The following HECW2 variants were observed in gnomAD, a reference collection of about 807,000 sequenced individuals.
The protein encoded by HECW2 is HECT, C2 and WW domain containing E3 ubiquitin protein ligase 2.
Under a neutral mutation model 175.2 loss-of-function variants are expected in HECW2, and 61 were observed. The observed-to-expected ratio is 0.35, with a 90% CI of 0.28 to 0.43. The LOEUF (loss-of-function observed/expected upper bound fraction) is 0.43. Among genes scored for constraint, HECW2 ranks in the 20% least tolerant of loss-of-function variants. The pLI is 1.00. For missense variants in HECW2, 1,524 were observed against 2,000.5 expected (o/e 0.76, Z 4.54); for synonymous variants, 671 against 731.0 (o/e 0.92, Z 1.32).
intron 1 of HECW2, among the ~76,000 whole-genome samples, chr2:196,559,072 A>C (rs1689907492): frequency 6.6e-6 from 1 of 152,204 alleles, no homozygotes; most frequent in Non-Finnish European, 1.5e-5. Context: ...ATCAGAGACT[A>C]AATAACTGCT....
Position 196,318,687 on chromosome 2 carries a change from C to G in HECW2, c.2203G>C (p.Glu735Gln). ...AGGCTCCCCCTCCGCTGCCAGACCTCCCCCAGCTCCTCCTGGTCAGGTACA... is the reference window on the plus strand; with the variant it reads ...AGGCTCCCCCTCCGCTGCCAGACCTGCCCCAGCTCCTCCTGGTCAGGTACA... The part of the protein sequence containing the change: ...ATVPDQEELG[E>Q]VWQRRGSLEG... The change falls in exon 9 of 29, where the codon GAG becomes CAG. Residue 735 changes from glutamate (E) to glutamine (Q), a missense_variant. Glu to Gln is a conservative substitution (Grantham distance 29). This residue lies in a region of HECW2 where 604 missense variants were observed against 588.3 expected (regional missense o/e 1.03). Transcript: ENST00000644978. 6.3e-7 allele frequency: 1 copy of G among 1,592,920 alleles called. No individual in the cohort carries two copies. Among genetic ancestry groups the G allele is most frequent in the Non-Finnish European group, 8.5e-7 (1 of 1,169,776 alleles).
chr2:196,412,096 G>A (rs1372830474), intron 2 of HECW2, among the ~76,000 whole-genome samples: 2 of 152,186 alleles, frequency 1.3e-5, no homozygotes, highest in Admixed American at 6.5e-5. Context: ...TATGTTCCCA[G>A]TATTTATGCA....
At chr2:196,280,249 G>T (rs923995465) in intron 14 of HECW2, among the ~76,000 whole-genome samples, 3 of 152,166 alleles carry the variant, frequency 2.0e-5, no homozygotes, top group African/African-American at 7.2e-5. Flanking sequence ...AGGCAAAAAA[G>T]AACTGACCTT....
rs151199096 is a variant in HECW2, at chr2:196,363,523, C to T, written c.293-19759G>A. Among the ~76,000 whole-genome samples the T allele has an allele frequency of 5.4e-3, 818 of 152,300 alleles. 8 individuals are homozygous for T. Among genetic ancestry groups the T allele is most frequent in the Middle Eastern group, 0.02 (6 of 294 alleles). Reference sequence around the variant, plus strand: ...GGGTCCACAGTGGGCTCAGTCACCACTGGGAGATTAAGAAAAATAAATCTA... The same window carrying T: ...GGGTCCACAGTGGGCTCAGTCACCATTGGGAGATTAAGAAAAATAAATCTA... On this transcript the variant is annotated intron_variant, in intron 2 of 28. Coordinates refer to ENST00000644978, the MANE Select transcript of HECW2 (RefSeq NM_001348768.2).
intron 2 of HECW2, among the ~76,000 whole-genome samples, chr2:196,374,460 T>C (rs1178350650): frequency 6.6e-6 from 1 of 152,220 alleles, no homozygotes; most frequent in African/African-American, 2.4e-5. Flanking sequence ...TGCATTACCT[T>C]ACTAATCAGA....
intron 13 of HECW2, among the ~76,000 whole-genome samples, chr2:196,298,693 T>C (rs1690911691): frequency 6.6e-6 from 1 of 152,206 alleles, no homozygotes. Flanking sequence ...TTCCCCTTCC[T>C]GTGTCCAAGT....
rs868385013 is a variant in HECW2, at chr2:196,429,392, C to T, written c.292+3740G>A. 3.3e-5 allele frequency among the ~76,000 whole-genome samples: 5 copies of T among 152,242 alleles called. No homozygotes were observed. The Middle Eastern group carries it at 0.014, about 414-fold the overall frequency. ...CCTCTTTCCTGCTAGGGATAGAAATCTATTAGAAAATACAGTAAGAAGTGA... is the reference window on the plus strand; with the variant it reads ...CCTCTTTCCTGCTAGGGATAGAAATTTATTAGAAAATACAGTAAGAAGTGA... On this transcript the variant is annotated intron_variant, in intron 2 of 28. Transcript: ENST00000644978.
Position 196,471,977 on chromosome 2 carries a change from T to TAA in HECW2, c.-35-38521_-35-38520dup, listed in dbSNP as rs34039865. On this transcript the variant is annotated intron_variant, in intron 1 of 28. Coordinates refer to ENST00000644978, the MANE Select transcript of HECW2 (RefSeq NM_001348768.2). ...TAGCCCTGAACCTAAAACAAAAGTT[T>TAA]AAAAAAAAAAAAAAAAGAAAAGCAA... 1.6e-3 allele frequency among the ~76,000 whole-genome samples: 209 copies of TAA among 130,226 alleles called. 2 individuals carry two copies. Among genetic ancestry groups the TAA allele is most frequent in the African/African-American group, 4.2e-3 (154 of 36,396 alleles). 85.4% of individuals were successfully genotyped at this position (130,226 alleles called of 152,430 possible).
intron 1 of HECW2, among the ~76,000 whole-genome samples, chr2:196,561,265 G>A (rs1364390773): frequency 6.6e-6 from 1 of 152,222 alleles, no homozygotes; most frequent in African/African-American, 2.4e-5. Flanking sequence ...CTGGCCTCCT[G>A]CAGTGCCGCC....
chr2:196,332,319 C>T (rs16849747), intron 4 of HECW2, among the ~76,000 whole-genome samples: 4,258 of 152,184 alleles, frequency 0.028, 181 homozygotes, highest in African/African-American at 0.096. Context: ...CCTAGATGAC[C>T]ATCATGCTAT....
intron 17 of HECW2, among the ~76,000 whole-genome samples, chr2:196,266,672 C>T (rs1190090723): frequency 1.3e-5 from 2 of 152,102 alleles, no homozygotes; most frequent in Non-Finnish European, 2.9e-5. Flanking sequence ...ATTCATTTGC[C>T]ACAAAGCTAG....
intron 1 of HECW2, among the ~76,000 whole-genome samples, chr2:196,499,814 A>C (rs1013894359): frequency 6.6e-6 from 1 of 152,206 alleles, no homozygotes; most frequent in Admixed American, 6.5e-5. Context: ...CCTCCTTTAA[A>C]GAACTCAAGT....
chr2:196,479,686 C>T (rs1686779992), intron 1 of HECW2, among the ~76,000 whole-genome samples: 1 of 152,146 alleles, frequency 6.6e-6, no homozygotes, highest in Non-Finnish European at 1.5e-5. Context: ...GATCTCTCTC[C>T]TCTCCCTCCA....
In HECW2 at chr2:196,320,063, A is replaced by G. The variant is rs1691882808; in HGVS notation, c.986-159T>C. The G allele has an allele frequency of 1.9e-5, 14 of 749,532 alleles. No individual in the cohort carries two copies. The South Asian group carries it at 2.7e-4, about 15-fold the overall frequency. The allele number at this position is 749,532 out of a possible 1,614,324, so 46.4% of individuals were successfully genotyped here. ...TCACCACTCACTACTAAATGAGGAGACTGCTAGTCAGCTTGGCACAGGAGC... is the reference window on the plus strand; with the variant it reads ...TCACCACTCACTACTAAATGAGGAGGCTGCTAGTCAGCTTGGCACAGGAGC... On this transcript the variant is annotated intron_variant, in intron 8 of 28. Transcript: ENST00000644978.
intron 17 of HECW2, among the ~76,000 whole-genome samples, chr2:196,270,435 G>C (rs1003814324): frequency 6.6e-6 from 1 of 152,210 alleles, no homozygotes; most frequent in African/African-American, 2.4e-5. Flanking sequence ...CATGCAAGGT[G>C]AGGCTCAGTT....
intron 2 of HECW2, among the ~76,000 whole-genome samples, chr2:196,365,636 G>A (rs1024406331): frequency 1.3e-5 from 2 of 152,200 alleles, no homozygotes; most frequent in South Asian, 2.1e-4. Flanking sequence ...ATATACAAAA[G>A]TGAGGTAGCT....
chr2:196,402,044 C>T (rs543884555), intron 2 of HECW2, among the ~76,000 whole-genome samples: 6 of 151,206 alleles, frequency 4.0e-5, no homozygotes, highest in Non-Finnish European at 8.9e-5. Flanking sequence ...ACTAAAAATA[C>T]AAAAAAATTA....
intron 2 of HECW2, among the ~76,000 whole-genome samples, chr2:196,402,422 A>T (rs1694847191): frequency 6.6e-6 from 1 of 152,154 alleles, no homozygotes. Flanking sequence ...ACATGGGAAT[A>T]AGAGTGAGAG....
intron 2 of HECW2, chr2:196,362,322 C>T (rs879815125): frequency 2.6e-4 from 2 of 7,796 alleles, no homozygotes; most frequent in Non-Finnish European, 4.4e-4. Flanking sequence ...TATGTGTACA[C>T]ACACACACAC....
Sources: allele counts gnomAD v4.1 joint callset (sites outside exome capture counted in the v4.1 genomes callset), GRCh38; gene constraint gnomAD v4.1.1; regional missense constraint gnomAD v4.1.1; transcripts MANE v1.5; gene names NCBI Gene and HGNC (gene_info 2026-07-23, HGNC 2026-07-21).